POLDIP2: variants seen among roughly 807,000 people sequenced by gnomAD.
POLDIP2 encodes the protein polymerase delta-interacting protein 2.
POLDIP2 carries 32 observed loss-of-function variants against 52.9 expected under a neutral mutation model. The ratio of observed to expected loss-of-function variants is 0.61; its 90% confidence interval spans 0.46 to 0.81. POLDIP2 has a LOEUF of 0.81. POLDIP2 is among the 40% of genes least tolerant of loss of function. POLDIP2 has a pLI of 0.00. For missense variants in POLDIP2, 371 were observed against 477.3 expected (o/e 0.78, Z 2.07); for synonymous variants, 183 against 183.0 (o/e 1.00, Z 0.00).
chr17:28,350,715 AC>A lies in POLDIP2; in HGVS notation c.786+50del, dbSNP rs1437002957. On this transcript the variant is annotated intron_variant, in intron 8 of 10. Coordinates refer to ENST00000540200, the MANE Select transcript of POLDIP2 (RefSeq NM_015584.5). ...GGTGGGCTCCCCCACCTCCACCCTG[AC>A]CCCCAGGCACACCCCACAAGCTCCC... The A allele has an allele frequency of 7.0e-6, 11 of 1,578,192 alleles. No homozygotes were observed. In the African/African-American group the frequency reaches 8.2e-5, roughly 12 times the overall value.
intron 3 of POLDIP2, 54 bp downstream of exon 3, chr17:28,354,434 T>C: frequency 8.0e-7 from 1 of 1,246,056 alleles, no homozygotes; most frequent in East Asian, 2.5e-5. Flanking sequence ...CAATTACATA[T>C]GTCTGCCATC....
At chr17:28,351,386 T>C (rs1907788806) in intron 7 of POLDIP2, among the ~76,000 whole-genome samples, 1 of 152,194 alleles carries the variant, frequency 6.6e-6, no homozygotes, top group South Asian at 2.1e-4. Flanking sequence ...AATAATTATG[T>C]GTATATTCTT....
At chr17:28,349,014 TCA>T in intron 10 of POLDIP2, 67 bp downstream of exon 10, 1 of 1,099,964 alleles carries the variant, frequency 9.1e-7, no homozygotes, top group Non-Finnish European at 1.4e-6. Flanking sequence ...CTCTAAGCTC[TCA>T]CTTTTCTGAC....
chr17:28,355,345 C>T (rs1320643065), intron 2 of POLDIP2, among the ~76,000 whole-genome samples: 1 of 152,232 alleles, frequency 6.6e-6, no homozygotes, highest in East Asian at 1.9e-4. Context: ...CGGTGGCTCA[C>T]GCCAGTAATC....
rs782445690 is a variant in POLDIP2 at position 28,351,738 on chromosome 17, C to A, written c.685G>T (p.Glu229Ter). Residue 229 changes from glutamate to a stop codon, truncating the protein, a stop_gained, in exon 7 of 11, where the codon GAG (glutamate) becomes TAG (stop). Coordinates refer to ENST00000540200, the MANE Select transcript of POLDIP2 (RefSeq NM_015584.5). LOFTEE classifies it high-confidence loss of function. ...GTTTCCCGATGAACATCGGAGAGCT[C>A]CAGCCAGGGGTGATTCTTCTCTTGC... Reference protein sequence around the residue: ...AWQEKNHPWLELSDVHRETTE... With the variant: ...AWQEKNHPWL The A allele has an allele frequency of 6.2e-7, 1 of 1,613,542 alleles. No homozygotes were observed. The highest frequency in any genetic ancestry group is 1.1e-5 in the South Asian group (1 of 91,078).
At position 28,348,221 on chromosome 17, in the gene POLDIP2, G is replaced by A. The variant is rs782076161; in HGVS notation, c.1003C>T (p.Arg335Cys). ...ASSGHMWGTF[R>C]FERPDGSHFD... ...TGGGAGCCATCAGGTCTTTCAAAGC[G>A]GAACGTGCCCCTACAGTCAGAAAGA... Residue 335 changes from arginine (R) to cysteine (C), a missense_variant, in exon 11 of 11, where the codon CGC (arginine) becomes TGC (cysteine). Physicochemically the swap from Arg to Cys is radical, Grantham distance 180 (BLOSUM62 -3). Coordinates refer to ENST00000540200, the MANE Select transcript of POLDIP2 (RefSeq NM_015584.5). 48 of 1,611,840 alleles carry A rather than the reference G, an allele frequency of 3.0e-5. No homozygotes were observed. Among genetic ancestry groups the A allele is most frequent in the East Asian group, 4.5e-5 (2 of 44,880 alleles).
At chr17:28,350,829 G>T in intron 7 of POLDIP2, 37 bp from the exon 8 acceptor site, 2 of 1,538,874 alleles carry the variant, frequency 1.3e-6, no homozygotes, top group East Asian at 2.4e-5. Flanking sequence ...GTCCCACAGG[G>T]CAAGACCAAG....
At chr17:28,351,453 T>C (rs1567791757) in intron 7 of POLDIP2, among the ~76,000 whole-genome samples, 1 of 152,168 alleles carries the variant, frequency 6.6e-6, no homozygotes, top group African/African-American at 2.4e-5. Flanking sequence ...GATTCCTTCC[T>C]GGGACCTATG....
rs782526089 is a variant in POLDIP2, at chr17:28,351,819, G to A, written c.623-19C>T. On this transcript the variant is annotated intron_variant, in intron 6 of 10. Transcript: ENST00000540200. ...GGAGGTGCTGGGGCAAGATACAATT[G>A]GTTAGTCCAATTGTGTGTTGTGGAT... is the stretch of plus-strand genomic sequence containing the variant. The A allele has an allele frequency of 6.2e-7, 1 of 1,610,632 alleles. No homozygotes were observed. Among genetic ancestry groups the A allele is most frequent in the Non-Finnish European group, 8.5e-7 (1 of 1,177,142 alleles).
At chr17:28,348,756 G>A (rs1215732229) in intron 10 of POLDIP2, among the ~76,000 whole-genome samples, 1 of 152,150 alleles carries the variant, frequency 6.6e-6, no homozygotes, top group African/African-American at 2.4e-5. Flanking sequence ...CTGGCCTTTA[G>A]ATACATACTG....
chr17:28,351,555 C>T (rs1907795574), intron 7 of POLDIP2, 109 bp downstream of exon 7: 1 of 1,078,286 alleles, frequency 9.3e-7, no homozygotes, highest in Non-Finnish European at 1.4e-6. Flanking sequence ...GAAGCAGAAC[C>T]ACAGGGACAT....
At chr17:28,356,212 G>A (rs1908022162) in intron 1 of POLDIP2, among the ~76,000 whole-genome samples, 1 of 151,614 alleles carries the variant, frequency 6.6e-6, no homozygotes, top group African/African-American at 2.4e-5. Context: ...TAACTGTCTT[G>A]CTCACTTTTT....
intron 1 of POLDIP2, among the ~76,000 whole-genome samples, chr17:28,356,749 G>A (rs1313235027): frequency 6.6e-6 from 1 of 152,106 alleles, no homozygotes; most frequent in Non-Finnish European, 1.5e-5. Context: ...TGATCCACCA[G>A]CCCATTTGAT....
At chr17:28,348,686 T>C (rs1426918644) in intron 10 of POLDIP2, among the ~76,000 whole-genome samples, 1 of 152,226 alleles carries the variant, frequency 6.6e-6, no homozygotes, top group Non-Finnish European at 1.5e-5. Flanking sequence ...CACTCCAGCC[T>C]GGGCAATAAG....
chr17:28,349,186 GT>G (rs1555579461), intron 9 of POLDIP2, 24 bp from the exon 10 acceptor site: 1 of 1,576,366 alleles, frequency 6.3e-7, no homozygotes, highest in Non-Finnish European at 8.7e-7. Flanking sequence ...GGCAAAATGG[GT>G]CAGGCCAAGC....
At chr17:28,352,264 A>AGTCTT (rs1435361280) in intron 6 of POLDIP2, among the ~76,000 whole-genome samples, 3 of 16,910 alleles carry the variant, frequency 1.8e-4, no homozygotes, top group African/African-American at 1.3e-3. Context: ...TTGGAGACGG[A>AGTCTT]GTCTTGATCT....
At chr17:28,350,902 A>C in intron 7 of POLDIP2, 110 bp from the exon 8 acceptor site, 1 of 890,476 alleles carries the variant, frequency 1.1e-6, no homozygotes, top group Non-Finnish European at 1.8e-6. Context: ...CAGACAGACC[A>C]AGCTGAGAGT....
At position 28,357,407 on chromosome 17, in the gene POLDIP2, G is replaced by C; in HGVS notation, c.42C>G (p.Ser14Arg). Residue 14 changes from serine (S) to arginine (R), a missense_variant, in exon 1 of 11, where the codon AGC (serine) becomes AGG (arginine). Physicochemically the swap from Ser to Arg is moderately radical, Grantham distance 110. Transcript: ENST00000540200. ...CTARRALAVG[S>R]RWWSRSLTGA... ...CAGTCAGCGACCGGGACCACCAGCG[G>C]CTGCCCACGGCCAGGGCCCGCCGGG... 6.6e-7 allele frequency: 1 copy of C among 1,512,136 alleles called. No individual in the cohort carries two copies. The highest frequency in any genetic ancestry group is 8.8e-7 in the Non-Finnish European group (1 of 1,139,610). The allele number at this position is 1,512,136 out of a possible 1,614,324, so 93.7% of individuals were successfully genotyped here.
At chr17:28,350,261 A>C (rs543750395) in intron 9 of POLDIP2, among the ~76,000 whole-genome samples, 177 bp downstream of exon 9, 2 of 152,350 alleles carry the variant, frequency 1.3e-5, no homozygotes, top group Admixed American at 1.3e-4. Context: ...CTTTTCATCT[A>C]TGAAATGGGT....
Sources: allele counts gnomAD v4.1 joint callset (sites outside exome capture counted in the v4.1 genomes callset), GRCh38; gene constraint gnomAD v4.1.1; transcripts MANE v1.5; gene names NCBI Gene and HGNC (gene_info 2026-07-23, HGNC 2026-07-21).